Variants in GON4L observed in about 807,000 individuals in gnomAD.
GON4L encodes GON-4-like protein.
Under a neutral mutation model 211.8 loss-of-function variants are expected in GON4L, and 87 were observed. That is an observed-to-expected ratio of 0.41 (90% CI 0.35 to 0.49). GON4L has a LOEUF of 0.49. Among genes scored for constraint, GON4L ranks in the 20% least tolerant of loss-of-function variants. The pLI is 0.15. For missense variants in GON4L, 2,155 were observed against 2,659.5 expected (o/e 0.81, Z 4.17); for synonymous variants, 875 against 962.6 (o/e 0.91, Z 1.68).
chr1:155,833,409 G>A (rs1207395707), intron 2 of GON4L, among the ~76,000 whole-genome samples: 1 of 151,948 alleles, frequency 6.6e-6, no homozygotes, highest in Non-Finnish European at 1.5e-5. Flanking sequence ...CAGCATTTTG[G>A]GAGGCCGAGG....
intron 14 of GON4L, among the ~76,000 whole-genome samples, chr1:155,779,082 G>A (rs914075713): frequency 3.3e-5 from 5 of 151,528 alleles, no homozygotes; most frequent in Admixed American, 2.0e-4. Context: ...GTGAAACCCC[G>A]TCTCTACTGA....
In GON4L at chr1:155,754,387, G is replaced by T; in HGVS notation, c.5619C>A (p.His1873Gln). 1.2e-6 allele frequency: 2 copies of T among 1,604,798 alleles called. No individual in the cohort carries two copies. Among genetic ancestry groups the T allele is most frequent in the Non-Finnish European group, 8.5e-7 (1 of 1,171,540 alleles). Residue 1873 changes from histidine to glutamine, a missense_variant, in exon 28 of 32, where the codon CAC (histidine) becomes CAA (glutamine). His to Gln is a conservative substitution (Grantham distance 24). Around this residue, in one of 6 missense-constraint regions of GON4L, gnomAD observed 455 missense variants for 504.6 expected, o/e 0.90. Transcript: ENST00000368331. ...LKKSKRRSCS[H>Q]CSSKVCDSKS... ...ATACTTTCCTCACCTTGCTGCTACA[G>T]TGGCTACAGCTCCGCCTTTTGCTCT...
chr1:155,748,202 T>C, downstream of GON4L: 1 of 1,443,808 alleles, frequency 6.9e-7, no homozygotes, highest in Non-Finnish European at 9.4e-7. Flanking sequence ...TCGCTGTCTG[T>C]ACTGGCTCTG....
chr1:155,805,455 T>A (rs1289808712), intron 10 of GON4L, among the ~76,000 whole-genome samples: 1 of 152,142 alleles, frequency 6.6e-6, no homozygotes, highest in Non-Finnish European at 1.5e-5. Context: ...ACCATCACCA[T>A]TATCTAATTT....
intron 12 of GON4L, among the ~76,000 whole-genome samples, chr1:155,791,355 G>A (rs895198477): frequency 2.6e-5 from 4 of 151,824 alleles, no homozygotes; most frequent in African/African-American, 9.7e-5. Flanking sequence ...AGATGTAACA[G>A]GGGAAAAGTT....
At chr1:155,783,279 G>A (rs116619579) in intron 14 of GON4L, among the ~76,000 whole-genome samples, 3,532 of 152,246 alleles carry the variant, frequency 0.023, 132 homozygotes, top group African/African-American at 0.081. Flanking sequence ...TGGATCCCAA[G>A]CTCTCTGCTT....
chr1:155,764,019 C>CAA (rs1291363188), intron 21 of GON4L, among the ~76,000 whole-genome samples: 15 of 32,402 alleles, frequency 4.6e-4, no homozygotes, highest in South Asian at 2.2e-3. Context: ...AAAACAAAAA[C>CAA]AAACAAAAAA....
rs766248695 is a variant in GON4L, at chr1:155,814,321, C to G, written c.1281+9G>C. 6.8e-6 allele frequency: 11 copies of G among 1,610,758 alleles called. No homozygotes were observed. In the Admixed American group the frequency reaches 1.3e-4, roughly 20 times the overall value. On this transcript the variant is annotated intron_variant, in intron 9 of 31. Transcript: ENST00000368331. ...TGTCTAACATCTCTTTTGTATGATG[C>G]CGATTTACCTCTGATAATATGCCAC...
chr1:155,811,414 A>AG (rs1449566378), intron 10 of GON4L, among the ~76,000 whole-genome samples: 5 of 149,528 alleles, frequency 3.3e-5, no homozygotes, highest in African/African-American at 1.2e-4. Context: ...AAAAAAAAAA[A>AG]AAAGAAAGAA....
In GON4L at chr1:155,790,716, T is replaced by A. The variant is rs554806444; in HGVS notation, c.1747+4334A>T. Among the ~76,000 whole-genome samples, 24 of 139,352 alleles carry A rather than the reference T, an allele frequency of 1.7e-4. 1 individual carries two copies. The highest frequency in any genetic ancestry group is 5.9e-4 in the African/African-American group (22 of 37,200). The allele number at this position is 139,352 out of a possible 152,430, so 91.4% of individuals were successfully genotyped here. On this transcript the variant is annotated intron_variant, in intron 12 of 31. Coordinates refer to ENST00000368331, the MANE Select transcript of GON4L (RefSeq NM_001282860.2). ...ATCCCAGCACTTTGGGAGGCCGAGG[T>A]GGGCGGATCACAAGGTCAGGAGATC...
intron 11 of GON4L, among the ~76,000 whole-genome samples, chr1:155,799,621 A>AGTAG (rs2102029662): frequency 1.3e-5 from 2 of 152,294 alleles, no homozygotes; most frequent in African/African-American, 4.8e-5. Context: ...ATTCTGATTC[A>AGTAG]GTAGGTAAGG....
chr1:155,816,013 G>T, intron 7 of GON4L, 113 bp from the exon 8 acceptor site: 1 of 747,836 alleles, frequency 1.3e-6, no homozygotes, highest in Non-Finnish European at 2.4e-6. Flanking sequence ...AGAGCATAAT[G>T]TACAGCTAAA....
In GON4L at chr1:155,853,951, G is replaced by C; in HGVS notation, c.-26-145C>G. ...ATTTCCCTTTAGGTGGAAGTTGAGA[G>C]ACAGTGGTTAAGTGACTGAGTTCAA... On this transcript the variant is annotated intron_variant, in intron 1 of 31. Coordinates refer to ENST00000368331, the MANE Select transcript of GON4L (RefSeq NM_001282860.2). The C allele has an allele frequency of 4.6e-6, 3 of 645,450 alleles. No homozygotes were observed. The South Asian group carries it at 5.8e-5, about 12-fold the overall frequency. 40.0% of individuals were successfully genotyped at this position (645,450 alleles called of 1,614,324 possible).
chr1:155,763,175 G>T (rs1210781170), intron 22 of GON4L, 137 bp downstream of exon 22: 3 of 657,542 alleles, frequency 4.6e-6, no homozygotes, highest in Non-Finnish European at 5.2e-6. Context: ...TTTGGGGGAG[G>T]GGTGTTGCAG....
chr1:155,800,014 A>G (rs1049935181), intron 11 of GON4L, among the ~76,000 whole-genome samples: 2 of 152,176 alleles, frequency 1.3e-5, no homozygotes. Context: ...CAGCGTGACC[A>G]ACATGGAGAA....
In GON4L at chr1:155,820,666, A is replaced by T; in HGVS notation, c.964-10T>A. On this transcript the variant is annotated splice_polypyrimidine_tract_variant and intron_variant, in intron 5 of 31. Coordinates refer to ENST00000368331, the MANE Select transcript of GON4L (RefSeq NM_001282860.2). ...GTGTCATTTTAGGCTCCTAAGGAGA[A>T]AAAAACAGAAAGGAAATCCTCAATA... The T allele has an allele frequency of 2.5e-6, 4 of 1,594,142 alleles. No homozygotes were observed. The highest frequency in any genetic ancestry group is 3.4e-6 in the Non-Finnish European group (4 of 1,162,016).
At chr1:155,748,224 C>G (rs1660333293), downstream of GON4L, 5 of 1,356,610 alleles carry the variant, frequency 3.7e-6, no homozygotes, top group Admixed American at 2.3e-5. Flanking sequence ...TCCTGAGGCC[C>G]GAGCTTGAAC....
At chr1:155,854,416 A>G (rs189250997) in intron 1 of GON4L, among the ~76,000 whole-genome samples, 5 of 152,242 alleles carry the variant, frequency 3.3e-5, no homozygotes, top group African/African-American at 1.2e-4. Flanking sequence ...CGGCCTCCCA[A>G]AGTGCTGGGA....
chr1:155,745,269 G>A (rs188820171), downstream of GON4L, among the ~76,000 whole-genome samples: 18 of 152,278 alleles, frequency 1.2e-4, no homozygotes, highest in African/African-American at 4.1e-4. Flanking sequence ...TTTACATAAA[G>A]TGTTACATAC....
Sources: gnomAD v4.1 joint callset for allele counts (sites outside exome capture counted in the v4.1 genomes callset) on GRCh38, gnomAD v4.1.1 for gene constraint, gnomAD v4.1.1 regional missense constraint, MANE v1.5 for transcripts, NCBI Gene and HGNC (gene_info 2026-07-23, HGNC 2026-07-21) for gene names.